Variants in CLVS1 observed in about 807,000 individuals in gnomAD.
CLVS1 encodes clavesin 1, also known as clavesin-1.
Under a neutral mutation model 33.1 loss-of-function variants are expected in CLVS1, and 10 were observed. The observed-to-expected ratio is 0.30, with a 90% CI of 0.19 to 0.51. The LOEUF (loss-of-function observed/expected upper bound fraction) is 0.51, where lower values mean the gene tolerates loss of function less well. Among genes scored for constraint, CLVS1 ranks in the 20% least tolerant of loss-of-function variants. The pLI is 0.97. For synonymous variants in CLVS1, 163 were observed against 166.1 expected, an observed-to-expected ratio of 0.98 and a Z score of 0.14; for missense variants, 343 against 433.4, an observed-to-expected ratio of 0.79 and a Z score of 1.85.
chr8:61,446,844 G>T lies in CLVS1; in HGVS notation c.631-7297G>T, dbSNP rs114981726. Among the ~76,000 whole-genome samples the T allele has an allele frequency of 6.4e-3, 941 of 147,178 alleles. 12 individuals are homozygous for T. Among genetic ancestry groups the T allele is most frequent in the African/African-American group, 0.022 (885 of 39,876 alleles). On this transcript the variant is annotated intron_variant, in intron 3 of 5. Transcript: ENST00000325897. ...CTTTTGAAGGTTTTTTTTTTTTTTG[G>T]CCCATCCATGGGTTATTTAGAACTG...
the CLVS1 span, among the ~76,000 whole-genome samples, chr8:61,002,475 C>A: frequency 3.9e-5 from 6 of 151,940 alleles, no homozygotes; most frequent in Admixed American, 1.3e-4. Context: ...ATTACAGGTG[C>A]CTGCCACCAT....
the CLVS1 span, among the ~76,000 whole-genome samples, chr8:61,045,904 G>A: frequency 6.1e-4 from 93 of 152,294 alleles, no homozygotes; most frequent in Middle Eastern, 0.01. Context: ...TGTCAGATGA[G>A]TAGGTTGAGA....
chr8:61,420,201 G>A (rs944680182), intron 3 of CLVS1, among the ~76,000 whole-genome samples: 3 of 152,082 alleles, frequency 2.0e-5, no homozygotes, highest in African/African-American at 2.4e-5. Context: ...CTCATACAAC[G>A]GAACTGATAA....
At chr8:61,113,409 G>C in intron 1 of CLVS1, among the ~76,000 whole-genome samples, 1 of 152,312 alleles carries the variant, frequency 6.6e-6, no homozygotes, top group Middle Eastern at 3.4e-3. Context: ...GGGAGCAAAA[G>C]GAAGGAAGAT....
At chr8:61,252,943 G>A (rs1295748407) in intron 2 of CLVS1, among the ~76,000 whole-genome samples, 1 of 152,176 alleles carries the variant, frequency 6.6e-6, no homozygotes, top group Non-Finnish European at 1.5e-5. Context: ...ATTGTTGTGT[G>A]TGAATTTGAT....
At chr8:61,414,704 A>G (rs891913507) in intron 3 of CLVS1, among the ~76,000 whole-genome samples, 1 of 152,192 alleles carries the variant, frequency 6.6e-6, no homozygotes, top group Non-Finnish European at 1.5e-5. Flanking sequence ...ATGAAGAGAA[A>G]GAGAAACACC....
chr8:61,439,611 C>A (rs1816467856), intron 3 of CLVS1, among the ~76,000 whole-genome samples: 1 of 152,104 alleles, frequency 6.6e-6, no homozygotes, highest in South Asian at 2.1e-4. Context: ...GTAAAAGAAG[C>A]AATTGAGATT....
At chr8:61,465,127 G>A (rs987108572) in intron 5 of CLVS1, 13 of 152,302 alleles carry the variant, frequency 8.5e-5, no homozygotes, top group Admixed American at 7.2e-4. Context: ...TTGTTAAAAA[G>A]CACTTGCTTA....
chr8:61,456,503 A>G (rs1257926598), intron 4 of CLVS1, among the ~76,000 whole-genome samples: 2 of 152,232 alleles, frequency 1.3e-5, no homozygotes, highest in African/African-American at 4.8e-5. Flanking sequence ...TTTTCTGAAG[A>G]ATTAGCACTT....
At chr8:61,387,476 TTTTTTTTTTTTA>T (rs1310275871) in intron 3 of CLVS1, among the ~76,000 whole-genome samples, 1 of 148,598 alleles carries the variant, frequency 6.7e-6, no homozygotes, top group Non-Finnish European at 1.5e-5. Context: ...CTTTTTTTTT[TTTTTTTTTTTTA>T]AATTTCAATA....
the CLVS1 span, among the ~76,000 whole-genome samples, chr8:61,020,546 C>T: frequency 2.6e-4 from 39 of 152,312 alleles, no homozygotes; most frequent in African/African-American, 7.7e-4. Flanking sequence ...AAGCACGTGG[C>T]ACTTTAGGAA....
At chr8:61,428,202 C>T (rs1048180081) in intron 3 of CLVS1, among the ~76,000 whole-genome samples, 11 of 152,138 alleles carry the variant, frequency 7.2e-5, no homozygotes, top group East Asian at 1.9e-4. Flanking sequence ...GCTTAGAAGG[C>T]GGCTTTTGCA....
intron 1 of CLVS1, among the ~76,000 whole-genome samples, chr8:61,057,409 C>T (rs1020100115): frequency 9.1e-5 from 13 of 143,540 alleles, no homozygotes; most frequent in Non-Finnish European, 1.8e-4. Context: ...CACACACACA[C>T]ACACCCCATC....
intron 2 of CLVS1, among the ~76,000 whole-genome samples, chr8:61,229,139 C>T (rs1585706375): frequency 6.6e-6 from 1 of 152,160 alleles, no homozygotes; most frequent in Admixed American, 6.5e-5. Flanking sequence ...TGAGAAATGT[C>T]TATTTAGGTC....
chr8:61,043,294 A>C, the CLVS1 span, among the ~76,000 whole-genome samples: 17 of 152,216 alleles, frequency 1.1e-4, no homozygotes, highest in Non-Finnish European at 2.2e-4. Flanking sequence ...GGCTCCTGAA[A>C]CTGCCTTCCC....
At chr8:61,370,340 TTTCTCA>T (rs2129601047) in intron 2 of CLVS1, 1 of 152,328 alleles carries the variant, frequency 6.6e-6, no homozygotes, top group South Asian at 2.1e-4. Context: ...TACCCTTTTA[TTTCTCA>T]TTCCCCTCCT....
chr8:61,306,614 A>G (rs1261713822), intron 2 of CLVS1, among the ~76,000 whole-genome samples: 1 of 152,144 alleles, frequency 6.6e-6, no homozygotes, highest in Non-Finnish European at 1.5e-5. Flanking sequence ...TAAACATGGG[A>G]GTGTAGATTT....
chr8:61,056,610 A>G (rs569231570), upstream of CLVS1, among the ~76,000 whole-genome samples: 2 of 152,196 alleles, frequency 1.3e-5, no homozygotes, highest in South Asian at 4.1e-4. Context: ...CTTCACATAG[A>G]CCACCCTGCT....
intron 2 of CLVS1, among the ~76,000 whole-genome samples, chr8:61,277,638 G>T (rs1388680506): frequency 6.6e-6 from 1 of 152,050 alleles, no homozygotes; most frequent in African/African-American, 2.4e-5. Context: ...TGCTTGGGGG[G>T]GTAGGGAAGA....
Sources: allele counts gnomAD v4.1 joint callset (sites outside exome capture counted in the v4.1 genomes callset), GRCh38; gene constraint gnomAD v4.1.1; transcripts MANE v1.5; gene names NCBI Gene and HGNC (gene_info 2026-07-23, HGNC 2026-07-21).